The following CALN1 variants were observed in gnomAD, a reference collection of about 807,000 sequenced individuals.
CALN1 encodes calneuron 1.
Under a neutral mutation model 30.6 loss-of-function variants are expected in CALN1, and 17 were observed. The ratio of observed to expected loss-of-function variants is 0.56; its 90% CI spans 0.38 to 0.83. The LOEUF (loss-of-function observed/expected upper bound fraction) is 0.83. Among genes scored for constraint, CALN1 ranks in the 40% least tolerant of loss-of-function variants. The pLI, the probability that CALN1 is intolerant of heterozygous loss-of-function variation, is 0.00. For synonymous variants in CALN1, 156 were observed against 131.4 expected, an observed-to-expected ratio of 1.19 and a Z score of -1.28; for missense variants, 291 against 354.9, an observed-to-expected ratio of 0.82 and a Z score of 1.45.
At chr7:71,825,920 C>G (rs2116363139) in intron 5 of CALN1, among the ~76,000 whole-genome samples, 1 of 150,116 alleles carries the variant, frequency 6.7e-6, no homozygotes, top group Non-Finnish European at 1.5e-5. Flanking sequence ...GTGATCCCAG[C>G]TACTTGGGAG....
At chr7:71,885,679 T>A (rs1792859365) in intron 5 of CALN1, among the ~76,000 whole-genome samples, 1 of 152,248 alleles carries the variant, frequency 6.6e-6, no homozygotes, top group Non-Finnish European at 1.5e-5. Flanking sequence ...TGGGACAGAA[T>A]GAGCAAACAG....
chr7:71,878,785 T>C (rs992801624), intron 5 of CALN1, among the ~76,000 whole-genome samples: 1 of 152,164 alleles, frequency 6.6e-6, no homozygotes, highest in Admixed American at 6.5e-5. Context: ...ATTACAACTG[T>C]GCCAGTCAAA....
chr7:71,902,322 A>G (rs954050134), intron 5 of CALN1, among the ~76,000 whole-genome samples: 2 of 152,222 alleles, frequency 1.3e-5, no homozygotes, highest in African/African-American at 4.8e-5. Context: ...AATGTTCAAC[A>G]TCACTAATCA....
chr7:72,252,767 T>C (rs947141374), intron 3 of CALN1, among the ~76,000 whole-genome samples: 3 of 152,082 alleles, frequency 2.0e-5, no homozygotes, highest in African/African-American at 7.2e-5. Flanking sequence ...CTACTCCTGT[T>C]CCTGCTTATT....
At chr7:71,876,762 T>C (rs1171652902) in intron 5 of CALN1, among the ~76,000 whole-genome samples, 1 of 152,200 alleles carries the variant, frequency 6.6e-6, no homozygotes, top group Non-Finnish European at 1.5e-5. Flanking sequence ...TTACCCAAAG[T>C]TGCCCAGGTT....
At chr7:72,089,296 G>A (rs1805693897) in intron 4 of CALN1, among the ~76,000 whole-genome samples, 1 of 151,944 alleles carries the variant, frequency 6.6e-6, no homozygotes, top group Non-Finnish European at 1.5e-5. Context: ...ACTAAAGAGG[G>A]TAAAAGTAAG....
intron 3 of CALN1, among the ~76,000 whole-genome samples, chr7:72,225,191 A>T (rs1425483284): frequency 6.6e-6 from 1 of 151,882 alleles, no homozygotes; most frequent in East Asian, 1.9e-4. Flanking sequence ...ACAGGAAGGA[A>T]GTCATTTTAC....
Position 71,972,034 on chromosome 7 carries a change from A to AAGAC in CALN1, c.501+51619_501+51622dup, listed in dbSNP as rs1554400333. Among the ~76,000 whole-genome samples the AAGAC allele has an allele frequency of 1.7e-3, 240 of 142,052 alleles. 1 individual carries two copies. The highest frequency in any genetic ancestry group is 5.3e-3 in the Admixed American group (71 of 13,292). 93.2% of individuals were successfully genotyped at this position (142,052 alleles called of 152,430 possible). On this transcript the variant is annotated intron_variant, in intron 5 of 6. Coordinates refer to ENST00000395275, the MANE Select transcript of CALN1 (RefSeq NM_031468.4). ...AAGAAAGAAAAGAAAGAAAGAAAGA[A>AAGAC]AGACACACTCAGAGTTGACGCTATT...
chr7:72,344,138 A>G (rs1285908261), intron 2 of CALN1, among the ~76,000 whole-genome samples: 6 of 151,940 alleles, frequency 3.9e-5, no homozygotes, highest in Non-Finnish European at 7.4e-5. Flanking sequence ...AGACAGGGAG[A>G]AAAAGAGAGG....
chr7:72,026,686 G>A (rs1008261871), intron 4 of CALN1, among the ~76,000 whole-genome samples: 9 of 152,050 alleles, frequency 5.9e-5, no homozygotes, highest in African/African-American at 2.2e-4. Flanking sequence ...AAAGTGCTGG[G>A]ATTACAGGCA....
At chr7:71,824,538 C>T (rs77522567) in intron 5 of CALN1, among the ~76,000 whole-genome samples, 2 of 152,100 alleles carry the variant, frequency 1.3e-5, no homozygotes, top group Non-Finnish European at 2.9e-5. Context: ...CCTTGTGAGG[C>T]CTTTGCTCCA....
At chr7:72,194,348 C>T (rs117473690) in intron 3 of CALN1, among the ~76,000 whole-genome samples, 4,357 of 152,002 alleles carry the variant, frequency 0.029, 96 homozygotes, top group South Asian at 0.12. Flanking sequence ...CTGGCCAACA[C>T]GGTGAAACCC....
intron 3 of CALN1, among the ~76,000 whole-genome samples, chr7:72,193,601 A>G (rs1241338580): frequency 6.6e-6 from 1 of 152,206 alleles, no homozygotes; most frequent in Non-Finnish European, 1.5e-5. Flanking sequence ...TAGACGGTAT[A>G]TGTTATTGCT....
intron 5 of CALN1, among the ~76,000 whole-genome samples, chr7:72,018,114 G>A (rs1206941749): frequency 2.0e-5 from 3 of 152,064 alleles, no homozygotes; most frequent in Non-Finnish European, 4.4e-5. Context: ...AAAGGCTGCT[G>A]GGGTAAATTC....
At position 72,016,464 on chromosome 7, in the gene CALN1, T is replaced by A. The variant is rs772386390; in HGVS notation, c.501+7193A>T. 1.6e-3 allele frequency among the ~76,000 whole-genome samples: 244 copies of A among 151,816 alleles called. 5 individuals carry two copies. Among genetic ancestry groups the A allele is most frequent in the Middle Eastern group, 3.4e-3 (1 of 294 alleles). On this transcript the variant is annotated intron_variant, in intron 5 of 6. Coordinates refer to ENST00000395275, the MANE Select transcript of CALN1 (RefSeq NM_031468.4). ...ATTATTATTATTTTTTGAGACAGAA[T>A]CTCCCTCTGTTGACCAGGCAAGAGT...
chr7:72,130,243 C>T (rs776499614), intron 3 of CALN1, among the ~76,000 whole-genome samples: 1 of 152,172 alleles, frequency 6.6e-6, no homozygotes, highest in African/African-American at 2.4e-5. Flanking sequence ...TTATAAGCTA[C>T]CTAGTCTCAG....
chr7:72,257,539 T>C (rs10215553), intron 3 of CALN1, among the ~76,000 whole-genome samples: 28,706 of 152,134 alleles, frequency 0.19, 3,757 homozygotes, highest in East Asian at 0.43. Flanking sequence ...ACAACCACTA[T>C]GGAAAACAGT....
Position 72,358,355 on chromosome 7 carries a change from A to C in CALN1, c.119+44896T>G, listed in dbSNP as rs149807768. ...CACTAGTGTAACACTCTGGATCTCT[A>C]TATTTCCTCGCTCACTTCTCTGATT... On this transcript the variant is annotated intron_variant, in intron 2 of 6. Coordinates refer to ENST00000395275, the MANE Select transcript of CALN1 (RefSeq NM_031468.4). 1.2e-3 allele frequency among the ~76,000 whole-genome samples: 184 copies of C among 152,102 alleles called. 5 individuals carry two copies. Among genetic ancestry groups the C allele is most frequent in the African/African-American group, 4.2e-3 (175 of 41,372 alleles).
chr7:71,845,135 C>T (rs1407083440), intron 5 of CALN1, among the ~76,000 whole-genome samples: 8 of 152,102 alleles, frequency 5.3e-5, no homozygotes, highest in African/African-American at 9.7e-5. Flanking sequence ...CCTCCTGCCT[C>T]GGCCTCCCAA....
Sources: allele counts gnomAD v4.1 joint callset (sites outside exome capture counted in the v4.1 genomes callset), GRCh38; gene constraint gnomAD v4.1.1; transcripts MANE v1.5; gene names NCBI Gene and HGNC (gene_info 2026-07-23, HGNC 2026-07-21).